MACROD1: variants seen among roughly 807,000 people sequenced by gnomAD.
MACROD1 encodes the protein ADP-ribose glycohydrolase MACROD1.
Under a neutral mutation model 41.4 loss-of-function variants are expected in MACROD1, and 31 were observed. The ratio of observed to expected loss-of-function variants is 0.75; its 90% CI spans 0.56 to 1.01. The LOEUF (loss-of-function observed/expected upper bound fraction) is 1.01, where lower values mean the gene tolerates loss of function less well. Ranked by LOEUF, MACROD1 falls within the 50% of genes least tolerant of loss-of-function variation. The pLI, the probability that MACROD1 is intolerant of heterozygous loss-of-function variation, is 0.00. For missense variants in MACROD1, 473 were observed against 460.0 expected, an observed-to-expected ratio of 1.03 and a Z score of -0.26; for synonymous variants, 252 against 203.4, an observed-to-expected ratio of 1.24 and a Z score of -2.03.
chr11:64,157,183 C>T (rs972597041), intron 1 of MACROD1, among the ~76,000 whole-genome samples: 2 of 152,156 alleles, frequency 1.3e-5, no homozygotes, highest in Admixed American at 1.3e-4. Flanking sequence ...ACCTCTGCCT[C>T]CTGGGTTCAA....
chr11:64,135,435 C>G (rs1243369525), intron 3 of MACROD1, among the ~76,000 whole-genome samples: 3 of 152,242 alleles, frequency 2.0e-5, no homozygotes, highest in Non-Finnish European at 4.4e-5. Context: ...CCCTCCACCC[C>G]ACCCTCAGCT....
intron 3 of MACROD1, among the ~76,000 whole-genome samples, chr11:64,108,352 C>T (rs980296154): frequency 6.6e-6 from 1 of 152,032 alleles, no homozygotes; most frequent in African/African-American, 2.4e-5. Flanking sequence ...AGGGCCACCC[C>T]ACAGTAGGCT....
intron 3 of MACROD1, among the ~76,000 whole-genome samples, chr11:64,034,632 G>T (rs1185103349): frequency 6.6e-6 from 1 of 152,196 alleles, no homozygotes; most frequent in Non-Finnish European, 1.5e-5. Context: ...GAAAGGAGGG[G>T]GAGAGGTGCT....
intron 3 of MACROD1, among the ~76,000 whole-genome samples, chr11:64,102,213 A>G (rs1944682588): frequency 6.6e-6 from 1 of 152,166 alleles, no homozygotes; most frequent in Non-Finnish European, 1.5e-5. Flanking sequence ...CTGCAGGGGG[A>G]ATACAGACAC....
intron 8 of MACROD1, 145 bp from the exon 9 acceptor site, chr11:63,999,181 G>A: frequency 7.5e-7 from 1 of 1,328,364 alleles, no homozygotes; most frequent in Non-Finnish European, 1.0e-6. Flanking sequence ...CCCCCATCTC[G>A]CCACCGCCAG....
At chr11:64,124,698 T>A (rs1945151536) in intron 3 of MACROD1, among the ~76,000 whole-genome samples, 1 of 151,914 alleles carries the variant, frequency 6.6e-6, no homozygotes, top group African/African-American at 2.4e-5. Context: ...TTTTTTTTTT[T>A]AGACAGAGTT....
intron 3 of MACROD1, among the ~76,000 whole-genome samples, chr11:64,057,096 C>G (rs1565212572): frequency 6.6e-6 from 1 of 152,360 alleles, no homozygotes; most frequent in South Asian, 2.1e-4. Context: ...TCTCACGAAA[C>G]AGGGCTTCCT....
At chr11:64,029,523 A>G in intron 3 of MACROD1, among the ~76,000 whole-genome samples, 1 of 151,728 alleles carries the variant, frequency 6.6e-6, no homozygotes, top group Non-Finnish European at 1.5e-5. Flanking sequence ...TCCCAATGGC[A>G]TCCCCTTCCT....
At chr11:64,007,973 C>G (rs1942940832) in intron 4 of MACROD1, among the ~76,000 whole-genome samples, 1 of 152,234 alleles carries the variant, frequency 6.6e-6, no homozygotes, top group Admixed American at 6.5e-5. Flanking sequence ...TCGGAGCGGC[C>G]GGAGCTGAGC....
At chr11:64,000,493 C>T (rs1942804920) in intron 4 of MACROD1, 150 bp from the exon 5 acceptor site, 2 of 495,128 alleles carry the variant, frequency 4.0e-6, no homozygotes, top group African/African-American at 2.0e-5. Context: ...CCGCTGCCCC[C>T]ACCCCCGCCC....
In MACROD1 at chr11:64,151,299, T is replaced by G. The variant is rs1298402389; in HGVS notation, c.457A>C (p.Lys153Gln). ...ATGTCGCTGCGGAGCAGGGAGATTT[T>G]CTCATTGAGCTGCTTGTCCTTTTTA... ...RYKKDKQLNE[K>Q]ISLLRSDITK... is the part of the protein sequence containing the mutation. The change falls in exon 3 of 11, where the codon AAA becomes CAA. Residue 153 changes from lysine to glutamine, a missense_variant. Lys to Gln is a moderately conservative substitution (Grantham distance 53). Coordinates refer to ENST00000255681, the MANE Select transcript of MACROD1 (RefSeq NM_014067.4). 1.9e-6 allele frequency: 3 copies of G among 1,614,016 alleles called. No homozygotes were observed. The highest frequency in any genetic ancestry group is 2.5e-6 in the Non-Finnish European group (3 of 1,180,026).
At chr11:64,161,803 C>T (rs1371319903) in intron 1 of MACROD1, among the ~76,000 whole-genome samples, 7 of 143,516 alleles carry the variant, frequency 4.9e-5, no homozygotes, top group Non-Finnish European at 1.1e-4. Context: ...CAGCCCATGG[C>T]TCACACCTGT....
At chr11:64,106,890 A>T (rs11231697) in intron 3 of MACROD1, among the ~76,000 whole-genome samples, 4,484 of 150,262 alleles carry the variant, frequency 0.03, 189 homozygotes, top group African/African-American at 0.095. Context: ...ATTTTATTTT[A>T]TTTTTTTTTG....
rs1048222399 is a variant in MACROD1 at position 64,096,048 on chromosome 11, A to G, written c.517+55191T>C. ...CAGCACAGTGCTGCTTCAAACTGCC[A>G]CTTGAGAGCTCCAGCGTGGGGACAG... On this transcript the variant is annotated intron_variant, in intron 3 of 10. Transcript: ENST00000255681. This position sits in a 1 kb window ranked among gnomAD's most constrained non-coding sequence, Gnocchi z 4.6. Among the ~76,000 whole-genome samples, 1 of 152,176 alleles carries G rather than the reference A, an allele frequency of 6.6e-6. No individual in the cohort carries two copies. Among genetic ancestry groups the G allele is most frequent in the Non-Finnish European group, 1.5e-5 (1 of 68,022 alleles).
intron 3 of MACROD1, among the ~76,000 whole-genome samples, chr11:64,091,881 A>G (rs61884708): frequency 0.3 from 45,877 of 152,128 alleles, 8,789 homozygotes; most frequent in Middle Eastern, 0.47. Flanking sequence ...TGCTGGGCCA[A>G]TCCCACCATC....
At chr11:64,008,773 G>A (rs2134329950) in intron 4 of MACROD1, among the ~76,000 whole-genome samples, 1 of 152,242 alleles carries the variant, frequency 6.6e-6, no homozygotes, top group Admixed American at 6.5e-5. Flanking sequence ...GAGCGGGGTC[G>A]CTAACCTCAG....
intron 4 of MACROD1, among the ~76,000 whole-genome samples, chr11:64,011,041 C>A (rs553162026): frequency 7.9e-6 from 1 of 127,180 alleles, no homozygotes; most frequent in African/African-American, 3.1e-5. Context: ...GGGATGTTGG[C>A]TGGCGTGTTG....
chr11:64,153,105 T>C (rs1945609105), intron 1 of MACROD1, among the ~76,000 whole-genome samples: 1 of 151,792 alleles, frequency 6.6e-6, no homozygotes, highest in Non-Finnish European at 1.5e-5. Flanking sequence ...GGGTCCACCC[T>C]GGCCGGCTCC....
intron 3 of MACROD1, among the ~76,000 whole-genome samples, chr11:64,109,477 C>A (rs973946964): frequency 6.6e-6 from 1 of 152,132 alleles, no homozygotes; most frequent in Non-Finnish European, 1.5e-5. Flanking sequence ...ACCGTGAGCA[C>A]AGCTTCTGGG....
Sources: allele counts gnomAD v4.1 joint callset (sites outside exome capture counted in the v4.1 genomes callset), GRCh38; gene constraint gnomAD v4.1.1; non-coding constraint Gnocchi (gnomAD v3.1); transcripts MANE v1.5; gene names NCBI Gene and HGNC (gene_info 2026-07-23, HGNC 2026-07-21).